The following UHRF2 variants were observed in gnomAD, a reference collection of about 807,000 sequenced individuals.
UHRF2 encodes the protein ubiquitin like with PHD and ring finger domains 2.
In UHRF2, 23 loss-of-function variants were observed where a neutral mutation model predicts 96.8. That is an observed-to-expected ratio of 0.24 (90% CI 0.17 to 0.34). The LOEUF is 0.34. Ranked by LOEUF, UHRF2 falls within the 10% of genes least tolerant of loss-of-function variation. The pLI, the probability that UHRF2 is intolerant of heterozygous loss-of-function variation, is 1.00. For synonymous variants in UHRF2, 385 were observed against 332.6 expected (o/e 1.16, Z -1.72); for missense variants, 685 against 981.5 (o/e 0.70, Z 4.04).
chr9:6,502,619 GT>G (rs1208272466), intron 14 of UHRF2, among the ~76,000 whole-genome samples: 2 of 152,140 alleles, frequency 1.3e-5, no homozygotes, highest in Non-Finnish European at 2.9e-5. Flanking sequence ...AACAGTTTTT[GT>G]TTGTTTACTC....
chr9:6,440,314 A>G (rs1821088710), intron 3 of UHRF2, among the ~76,000 whole-genome samples: 3 of 152,238 alleles, frequency 2.0e-5, no homozygotes, highest in Admixed American at 6.5e-5. Context: ...CACAGATGCT[A>G]TGTAATATTT....
intron 11 of UHRF2, 75 bp from the exon 12 acceptor site, chr9:6,497,943 T>G (rs1825067575): frequency 3.2e-6 from 5 of 1,546,590 alleles, no homozygotes; most frequent in Admixed American, 1.9e-5. Flanking sequence ...TGGCAAAGAT[T>G]ATTTTGATAC....
chr9:6,455,669 A>G (rs1028014317), intron 3 of UHRF2, among the ~76,000 whole-genome samples: 1 of 152,080 alleles, frequency 6.6e-6, no homozygotes, highest in Non-Finnish European at 1.5e-5. Context: ...TGGTCTGATG[A>G]TATCAGGAAG....
rs906056001 is a variant in UHRF2, at chr9:6,420,562, G to A, written c.154-350G>A. 9.2e-5 allele frequency among the ~76,000 whole-genome samples: 14 copies of A among 151,756 alleles called. 1 individual carries two copies. The highest frequency in any genetic ancestry group is 2.4e-4 in the African/African-American group (10 of 41,356). Reference sequence around the variant, plus strand: ...CTAAAAATACAAAAAAAAATTAGCCGGGCATGATGACGGGCACCTGTAGTC... The same window carrying A: ...CTAAAAATACAAAAAAAAATTAGCCAGGCATGATGACGGGCACCTGTAGTC... On this transcript the variant is annotated intron_variant, in intron 1 of 15. Transcript: ENST00000276893.
rs1027035685 is a variant in UHRF2 at position 6,441,023 on chromosome 9, C to CTT, written c.644+6851_644+6852dup. 1.1e-3 allele frequency among the ~76,000 whole-genome samples: 170 copies of CTT among 152,290 alleles called. 1 individual carries two copies. The highest frequency in any genetic ancestry group is 3.9e-3 in the African/African-American group (161 of 41,562). ...TCTAGCCATGGTTGAGAACCACTGCCTTAGTTCATTGATTCTCAAAATAAT... is the reference window on the plus strand; with the variant it reads ...TCTAGCCATGGTTGAGAACCACTGCCTTTTAGTTCATTGATTCTCAAAATAAT... On this transcript the variant is annotated intron_variant, in intron 3 of 15. Coordinates refer to ENST00000276893, the MANE Select transcript of UHRF2 (RefSeq NM_152896.3).
intron 3 of UHRF2, among the ~76,000 whole-genome samples, chr9:6,453,030 T>A (rs1821964388): frequency 6.6e-6 from 1 of 152,192 alleles, no homozygotes; most frequent in Non-Finnish European, 1.5e-5. Context: ...GTCTCCTTGG[T>A]TAGAATTTAA....
intron 4 of UHRF2, among the ~76,000 whole-genome samples, chr9:6,472,116 C>T (rs901908405): frequency 6.6e-6 from 1 of 152,146 alleles, no homozygotes; most frequent in Non-Finnish European, 1.5e-5. Context: ...CAAAAGTTCC[C>T]TTGGGTCCCA....
Position 6,418,926 on chromosome 9 carries a change from C to T in UHRF2, c.154-1986C>T, listed in dbSNP as rs147093674. ...AGGGGGAGAACCCTTTACACTTTGCCGGAAATTTTCTTTCTTGGCTTATAT... is the reference window on the plus strand; with the variant it reads ...AGGGGGAGAACCCTTTACACTTTGCTGGAAATTTTCTTTCTTGGCTTATAT... On this transcript the variant is annotated intron_variant, in intron 1 of 15. Coordinates refer to ENST00000276893, the MANE Select transcript of UHRF2 (RefSeq NM_152896.3). 3.9e-5 allele frequency among the ~76,000 whole-genome samples: 6 copies of T among 152,238 alleles called. No individual in the cohort carries two copies. In the East Asian group the frequency reaches 7.7e-4, roughly 20 times the overall value.
At chr9:6,431,496 C>T (rs1820560074) in intron 2 of UHRF2, among the ~76,000 whole-genome samples, 1 of 151,902 alleles carries the variant, frequency 6.6e-6, no homozygotes, top group Admixed American at 6.6e-5. Flanking sequence ...CCTAGCTGCT[C>T]AGGAGTTTGA....
At chr9:6,453,569 T>G (rs1821997539) in intron 3 of UHRF2, among the ~76,000 whole-genome samples, 2 of 152,174 alleles carry the variant, frequency 1.3e-5, no homozygotes, top group South Asian at 4.1e-4. Flanking sequence ...TGTTTGTTAT[T>G]TTTCTGACCA....
intron 10 of UHRF2, chr9:6,495,339 A>G (rs1824903613): frequency 6.6e-6 from 1 of 152,228 alleles, no homozygotes; most frequent in Non-Finnish European, 1.5e-5. Flanking sequence ...GGATTGAATT[A>G]TCAGAGAGAC....
intron 2 of UHRF2, among the ~76,000 whole-genome samples, chr9:6,425,940 A>T (rs1450905347): frequency 6.6e-6 from 1 of 152,298 alleles, no homozygotes; most frequent in East Asian, 1.9e-4. Context: ...TTAAGTTTAC[A>T]TTATTACTTT....
intron 3 of UHRF2, among the ~76,000 whole-genome samples, chr9:6,442,265 G>A (rs1201000644): frequency 6.6e-6 from 1 of 152,156 alleles, no homozygotes; most frequent in African/African-American, 2.4e-5. Flanking sequence ...CCTCCAGTCA[G>A]TCCTTCTAAG....
intron 3 of UHRF2, among the ~76,000 whole-genome samples, chr9:6,441,700 T>G (rs750924892): frequency 6.6e-6 from 1 of 152,050 alleles, no homozygotes; most frequent in Non-Finnish European, 1.5e-5. Context: ...TGAGCATTCA[T>G]TCTTATTTTA....
At chr9:6,422,794 G>T (rs957335006) in intron 2 of UHRF2, 5 of 405,408 alleles carry the variant, frequency 1.2e-5, no homozygotes, top group African/African-American at 1.0e-4. Flanking sequence ...TTGATATCTT[G>T]ATTAGTTCTT....
At chr9:6,467,691 A>G (rs1049586708) in intron 4 of UHRF2, among the ~76,000 whole-genome samples, 5 of 150,284 alleles carry the variant, frequency 3.3e-5, no homozygotes, top group Non-Finnish European at 5.9e-5. Context: ...AATTCTTTCA[A>G]AGATTTGAAT....
At chr9:6,487,171 A>ATTTTTTATTTTTTATTTTTATTTTTTTT (rs1824337943) in intron 9 of UHRF2, among the ~76,000 whole-genome samples, 4 of 83,832 alleles carry the variant, frequency 4.8e-5, no homozygotes, top group African/African-American at 1.9e-4. Flanking sequence ...TAGAGCTTTT[A>ATTTTTTATTTTTTATTTTTATTTTTTTT]TTTTTTTTTC....
At chr9:6,479,911 G>A (rs897045014) in intron 6 of UHRF2, among the ~76,000 whole-genome samples, 4 of 152,018 alleles carry the variant, frequency 2.6e-5, no homozygotes, top group Non-Finnish European at 5.9e-5. Flanking sequence ...TGTCTAACTA[G>A]ACTCTTTGCT....
chr9:6,475,440 A>G lies in UHRF2; in HGVS notation c.913A>G (p.Ile305Val), dbSNP rs1823509735. Residue 305 changes from isoleucine to valine, a missense_variant, in exon 5 of 16, where the codon ATC becomes GTC. By Grantham distance (29) the Ile-to-Val change is conservative. Transcript: ENST00000276893. ...NDCKIISVDE[I>V]FKIERPGAHP... is the part of the protein sequence containing the mutation. ...CTGCAAGATAATATCTGTAGATGAAATCTTCAAGATTGAGAGACCTGGAGC... is the reference window on the plus strand; with the variant it reads ...CTGCAAGATAATATCTGTAGATGAAGTCTTCAAGATTGAGAGACCTGGAGC... The G allele has an allele frequency of 6.3e-7, 1 of 1,588,782 alleles. No individual in the cohort carries two copies. The highest frequency in any genetic ancestry group is 1.2e-5 in the South Asian group (1 of 85,956).
Sources: gnomAD v4.1 joint callset for allele counts (sites outside exome capture counted in the v4.1 genomes callset) on GRCh38, gnomAD v4.1.1 for gene constraint, MANE v1.5 for transcripts, NCBI Gene and HGNC (gene_info 2026-07-23, HGNC 2026-07-21) for gene names.